The following BTG4 variants were observed in gnomAD, a reference collection of about 807,000 sequenced individuals.
BTG4 encodes the protein protein BTG4.
A neutral mutation model predicts 19.3 loss-of-function variants in BTG4; 10 were observed. The observed-to-expected ratio is 0.52, with a 90% CI of 0.32 to 0.88. The LOEUF is 0.88. BTG4 is among the 40% of genes least tolerant of loss of function. BTG4 has a pLI of 0.04. For synonymous variants in BTG4, 91 were observed against 95.7 expected (o/e 0.95, Z 0.29); for missense variants, 238 against 281.9 (o/e 0.84, Z 1.11).
At chr11:111,480,143 C>T (rs1056451717) in intron 5 of BTG4, among the ~76,000 whole-genome samples, 14 of 151,748 alleles carry the variant, frequency 9.2e-5, no homozygotes, top group Admixed American at 7.2e-4. Flanking sequence ...ATAAAAAGAT[C>T]AAAAATAGAT....
chr11:111,489,592 T>C (rs1865286906), intron 5 of BTG4, among the ~76,000 whole-genome samples: 1 of 152,164 alleles, frequency 6.6e-6, no homozygotes, highest in Non-Finnish European at 1.5e-5. Context: ...CAATGGAACA[T>C]TATTCAATCA....
downstream of BTG4, among the ~76,000 whole-genome samples, chr11:111,465,582 A>G (rs1423084258): frequency 2.0e-5 from 3 of 152,204 alleles, no homozygotes; most frequent in Non-Finnish European, 4.4e-5. Context: ...TTCAAAGATC[A>G]TATTGCTAGT....
At chr11:111,396,547 G>A in the BTG4 span, among the ~76,000 whole-genome samples, 6 of 152,290 alleles carry the variant, frequency 3.9e-5, no homozygotes, top group Admixed American at 3.3e-4. Flanking sequence ...AGGGTCAGTC[G>A]ACCTTCCCTG....
chr11:111,449,037 C>T, the BTG4 span, among the ~76,000 whole-genome samples: 66 of 152,240 alleles, frequency 4.3e-4, 2 homozygotes, highest in South Asian at 4.2e-3. Context: ...CAAGCCCTTC[C>T]AACTTGAACG....
chr11:111,509,122 C>T (rs1311564729), intron 1 of BTG4, among the ~76,000 whole-genome samples: 1 of 152,078 alleles, frequency 6.6e-6, no homozygotes, highest in Non-Finnish European at 1.5e-5. Flanking sequence ...ATCTGGTGCA[C>T]TCTTACTAAT....
intron 5 of BTG4, among the ~76,000 whole-genome samples, chr11:111,468,057 T>C (rs1013514753): frequency 1.3e-5 from 2 of 152,240 alleles, no homozygotes; most frequent in African/African-American, 4.8e-5. Context: ...GCCTTGCTGG[T>C]AACTGCCTTA....
the BTG4 span, among the ~76,000 whole-genome samples, chr11:111,425,727 G>A: frequency 6.6e-6 from 1 of 152,162 alleles, no homozygotes; most frequent in East Asian, 1.9e-4. Context: ...GCAAGGGCAA[G>A]AAAAGCATCG....
chr11:111,457,785 C>G, the BTG4 span: 7 of 152,000 alleles, frequency 4.6e-5, no homozygotes, highest in Admixed American at 1.3e-4. Context: ...TTATGCCACA[C>G]CTGCCTACAT....
Position 111,500,667 on chromosome 11 carries a change from G to C in BTG4, c.-26-1865C>G, listed in dbSNP as rs573445650. Among the ~76,000 whole-genome samples the C allele has an allele frequency of 1.1e-4, 14 of 129,882 alleles. No homozygotes were observed. The East Asian group carries it at 3.2e-3, about 30-fold the overall frequency. 85.2% of individuals were successfully genotyped at this position (129,882 alleles called of 152,430 possible). ...TCACATCACAATGAGTGTCAGGTGT[G>C]TGAGTAATCCTCTTTTTTTTTTCCA... is the stretch of plus-strand genomic sequence containing the variant. On this transcript the variant is annotated intron_variant, in intron 1 of 4. Coordinates refer to ENST00000692032, the MANE Select transcript of BTG4 (RefSeq NM_001367975.1).
the BTG4 span, among the ~76,000 whole-genome samples, chr11:111,388,873 G>A: frequency 1.3e-5 from 2 of 152,236 alleles, no homozygotes; most frequent in Non-Finnish European, 2.9e-5. Context: ...TTTGTCCAGT[G>A]ATGGAGGTAA....
the BTG4 span, among the ~76,000 whole-genome samples, chr11:111,420,910 G>C: frequency 6.6e-6 from 1 of 152,300 alleles, no homozygotes; most frequent in African/African-American, 2.4e-5. Flanking sequence ...AGGACTTTGA[G>C]AGTACATGAT....
At chr11:111,440,562 C>G in the BTG4 span, among the ~76,000 whole-genome samples, 2 of 152,160 alleles carry the variant, frequency 1.3e-5, no homozygotes, top group African/African-American at 4.8e-5. Context: ...GGGCGGTGTC[C>G]CCATTTGACC....
At chr11:111,508,726 A>G (rs1237041696) in intron 1 of BTG4, among the ~76,000 whole-genome samples, 1 of 150,486 alleles carries the variant, frequency 6.6e-6, no homozygotes, top group Non-Finnish European at 1.5e-5. Context: ...GCACTTTTTC[A>G]TATAACCATC....
At chr11:111,415,521 C>T in the BTG4 span, among the ~76,000 whole-genome samples, 1 of 152,226 alleles carries the variant, frequency 6.6e-6, no homozygotes, top group Non-Finnish European at 1.5e-5. Flanking sequence ...AAGAGAGACA[C>T]TGAGGTTCCT....
At chr11:111,439,484 A>G in the BTG4 span, among the ~76,000 whole-genome samples, 1 of 151,914 alleles carries the variant, frequency 6.6e-6, no homozygotes, top group Admixed American at 6.6e-5. Context: ...CACCAGCTCA[A>G]GGCTGCCTGT....
At chr11:111,473,975 G>A (rs1298072473) in intron 5 of BTG4, among the ~76,000 whole-genome samples, 2 of 151,960 alleles carry the variant, frequency 1.3e-5, no homozygotes, top group Non-Finnish European at 2.9e-5. Flanking sequence ...CACACGTTTT[G>A]GTTCCAAATC....
the BTG4 span, chr11:111,386,180 C>T: frequency 6.6e-6 from 1 of 152,072 alleles, no homozygotes; most frequent in South Asian, 2.1e-4. Flanking sequence ...AATTAATTTC[C>T]AAACATTTTT....
chr11:111,503,847 C>G (rs1866260024), intron 1 of BTG4, among the ~76,000 whole-genome samples: 1 of 152,080 alleles, frequency 6.6e-6, no homozygotes, highest in Non-Finnish European at 1.5e-5. Context: ...AATAGTCAAG[C>G]CCCAAAGTTC....
At chr11:111,445,869 T>A in the BTG4 span, among the ~76,000 whole-genome samples, 1 of 152,130 alleles carries the variant, frequency 6.6e-6, no homozygotes, top group East Asian at 1.9e-4. Flanking sequence ...TAGGATCCCT[T>A]CCAGCTCTAC....
Sources: allele counts gnomAD v4.1 joint callset (sites outside exome capture counted in the v4.1 genomes callset), GRCh38; gene constraint gnomAD v4.1.1; transcripts MANE v1.5; gene names NCBI Gene and HGNC (gene_info 2026-07-23, HGNC 2026-07-21).